Variants in GALNT13 observed in about 807,000 individuals in gnomAD.
GALNT13 encodes polypeptide N-acetylgalactosaminyltransferase 13.
A neutral mutation model predicts 64.2 loss-of-function variants in GALNT13; 28 were observed. That is an observed-to-expected ratio of 0.44 (90% CI 0.32 to 0.60). The LOEUF (loss-of-function observed/expected upper bound fraction) is 0.60, where lower values mean the gene tolerates loss of function less well. Ranked by LOEUF, GALNT13 falls within the 20% of genes least tolerant of loss-of-function variation. The pLI, the probability that GALNT13 is intolerant of heterozygous loss-of-function variation, is 0.05. For missense variants in GALNT13, 577 were observed against 669.8 expected (o/e 0.86, Z 1.53); for synonymous variants, 214 against 224.6 (o/e 0.95, Z 0.42).
intron 4 of GALNT13, among the ~76,000 whole-genome samples, chr2:154,142,680 T>C (rs974507428): frequency 6.6e-6 from 1 of 151,998 alleles, no homozygotes; most frequent in Admixed American, 6.6e-5. Flanking sequence ...TGTATACTTT[T>C]GAAATGTCTC....
the GALNT13 span, among the ~76,000 whole-genome samples, chr2:153,432,418 G>A: frequency 6.6e-6 from 1 of 152,140 alleles, no homozygotes; most frequent in Middle Eastern, 3.4e-3. Context: ...ATTAACTTTC[G>A]AGCTGCACAA....
the GALNT13 span, among the ~76,000 whole-genome samples, chr2:153,561,641 C>CTGTG: frequency 4.1e-3 from 603 of 146,572 alleles, 3 homozygotes; most frequent in African/African-American, 0.01. Flanking sequence ...GATGTTCAAC[C>CTGTG]TGTGTGTGTG....
At chr2:153,284,866 A>G in the GALNT13 span, among the ~76,000 whole-genome samples, 1 of 152,026 alleles carries the variant, frequency 6.6e-6, no homozygotes, top group Non-Finnish European at 1.5e-5. Flanking sequence ...CTAATCTGCC[A>G]TCTTGGGCAA....
chr2:153,619,523 G>A, the GALNT13 span, among the ~76,000 whole-genome samples: 2 of 152,000 alleles, frequency 1.3e-5, no homozygotes, highest in East Asian at 3.9e-4. Context: ...ATACCTTCAA[G>A]TGATTATTTA....
the GALNT13 span, among the ~76,000 whole-genome samples, chr2:153,430,323 T>C: frequency 3.3e-5 from 5 of 152,234 alleles, no homozygotes; most frequent in East Asian, 7.7e-4. Flanking sequence ...TAAACTGTTA[T>C]AGGTTGTGAG....
chr2:153,428,123 T>A, the GALNT13 span, among the ~76,000 whole-genome samples: 917 of 152,292 alleles, frequency 6.0e-3, 10 homozygotes, highest in African/African-American at 0.021. Flanking sequence ...CCAGGTAGCA[T>A]GAATGTGCAG....
chr2:154,312,292 T>A (rs1288692594), intron 9 of GALNT13, among the ~76,000 whole-genome samples: 1 of 152,218 alleles, frequency 6.6e-6, no homozygotes, highest in Non-Finnish European at 1.5e-5. Flanking sequence ...GGTCCCTCCG[T>A]TTGGGGTCCC....
chr2:153,612,391 G>A, the GALNT13 span, among the ~76,000 whole-genome samples: 2 of 152,024 alleles, frequency 1.3e-5, no homozygotes, highest in African/African-American at 2.4e-5. Flanking sequence ...ACATGCACAC[G>A]TAGTATGTTT....
chr2:153,681,758 A>G, the GALNT13 span, among the ~76,000 whole-genome samples: 22 of 151,862 alleles, frequency 1.4e-4, no homozygotes, highest in Admixed American at 3.3e-4. Context: ...CGCAGTGGCC[A>G]TGGGGAATAG....
At chr2:153,347,460 T>A in the GALNT13 span, among the ~76,000 whole-genome samples, 1 of 152,154 alleles carries the variant, frequency 6.6e-6, no homozygotes, top group African/African-American at 2.4e-5. Flanking sequence ...ACAGCAACTG[T>A]AAGACATTAA....
At chr2:154,094,909 A>G (rs1702001454) in intron 3 of GALNT13, among the ~76,000 whole-genome samples, 1 of 151,958 alleles carries the variant, frequency 6.6e-6, no homozygotes. Context: ...GAACATAAAT[A>G]ATATGTATAT....
intron 3 of GALNT13, among the ~76,000 whole-genome samples, chr2:154,086,707 A>T (rs2105428370): frequency 6.6e-6 from 1 of 152,188 alleles, no homozygotes; most frequent in East Asian, 1.9e-4. Context: ...CGTGGTAACT[A>T]AATGATATTT....
At chr2:154,359,911 T>C (rs370091442) in intron 9 of GALNT13, among the ~76,000 whole-genome samples, 32 of 152,226 alleles carry the variant, frequency 2.1e-4, no homozygotes, top group African/African-American at 7.2e-4. Flanking sequence ...TAGAATGCTG[T>C]CTAAGGCAAT....
chr2:154,008,026 G>T (rs1286895551), intron 3 of GALNT13, among the ~76,000 whole-genome samples: 2 of 152,024 alleles, frequency 1.3e-5, no homozygotes, highest in Non-Finnish European at 2.9e-5. Flanking sequence ...TTAGTATCTG[G>T]ATGTTCATCC....
At chr2:153,918,155 A>T (rs11691174) in intron 2 of GALNT13, among the ~76,000 whole-genome samples, 117,514 of 152,084 alleles carry the variant, frequency 0.77, 45,822 homozygotes, top group East Asian at 0.96. Flanking sequence ...GATTCAGCCA[A>T]GTTTAAAATA....
intron 9 of GALNT13, among the ~76,000 whole-genome samples, chr2:154,329,680 T>A (rs745995332): frequency 4.6e-5 from 7 of 151,598 alleles, no homozygotes; most frequent in Non-Finnish European, 1.0e-4. Flanking sequence ...TAATGGGAGG[T>A]GTTTGGGTCA....
At chr2:153,291,668 C>T in the GALNT13 span, among the ~76,000 whole-genome samples, 3 of 150,056 alleles carry the variant, frequency 2.0e-5, no homozygotes, top group Admixed American at 2.0e-4. Context: ...CTGGCAGATG[C>T]TCCACACATG....
chr2:153,764,843 T>G, the GALNT13 span, among the ~76,000 whole-genome samples: 1 of 152,196 alleles, frequency 6.6e-6, no homozygotes, highest in South Asian at 2.1e-4. Context: ...GAATCCCAAC[T>G]GCTTCACATC....
chr2:153,098,247 A>G, the GALNT13 span, among the ~76,000 whole-genome samples: 28 of 152,286 alleles, frequency 1.8e-4, no homozygotes, highest in African/African-American at 6.3e-4. Context: ...TTCTTCATGA[A>G]GGGCTCTTAG....
Sources: gnomAD v4.1 joint callset for allele counts (sites outside exome capture counted in the v4.1 genomes callset) on GRCh38, gnomAD v4.1.1 for gene constraint, MANE v1.5 for transcripts, NCBI Gene and HGNC (gene_info 2026-07-23, HGNC 2026-07-21) for gene names.